Variants in AUTS2 observed in about 807,000 individuals in gnomAD.
The protein encoded by AUTS2 is activator of transcription and developmental regulator AUTS2, also known as autism susceptibility gene 2 protein.
AUTS2 carries 17 observed loss-of-function variants against 112.4 expected under a neutral mutation model. The observed-to-expected ratio is 0.15, with a 90% confidence interval of 0.10 to 0.23. The LOEUF (loss-of-function observed/expected upper bound fraction) is 0.23, where lower values mean the gene tolerates loss of function less well. Among genes scored for constraint, AUTS2 ranks in the 10% least tolerant of loss-of-function variants. The pLI, the probability that AUTS2 is intolerant of heterozygous loss-of-function variation, is 1.00. For missense variants in AUTS2, 1,510 were observed against 1,701.6 expected (o/e 0.89, Z 1.98); for synonymous variants, 751 against 702.7 (o/e 1.07, Z -1.09).
chr7:70,614,631 C>T (rs1010240971), intron 5 of AUTS2, among the ~76,000 whole-genome samples: 3 of 152,196 alleles, frequency 2.0e-5, no homozygotes, highest in African/African-American at 4.8e-5. Context: ...TTTTGTCCTC[C>T]TCTCTGCTGC....
At chr7:70,602,449 T>C (rs1803523713) in intron 5 of AUTS2, among the ~76,000 whole-genome samples, 1 of 152,194 alleles carries the variant, frequency 6.6e-6, no homozygotes, top group African/African-American at 2.4e-5. Flanking sequence ...TTTTGATTCT[T>C]AGTCTATAAG....
At chr7:69,717,590 G>GA (rs1172207313) in intron 1 of AUTS2, among the ~76,000 whole-genome samples, 2 of 152,066 alleles carry the variant, frequency 1.3e-5, no homozygotes, top group African/African-American at 4.8e-5. Flanking sequence ...AGAATGAAAG[G>GA]AAAAAAAATT....
At chr7:70,526,140 G>A (rs1563016586) in intron 5 of AUTS2, among the ~76,000 whole-genome samples, 2 of 152,296 alleles carry the variant, frequency 1.3e-5, no homozygotes, top group South Asian at 4.2e-4. Context: ...TCCTTGGGAT[G>A]TCTCTTGACA....
chr7:69,941,073 C>T (rs975237105), intron 2 of AUTS2, among the ~76,000 whole-genome samples: 1 of 152,188 alleles, frequency 6.6e-6, no homozygotes, highest in African/African-American at 2.4e-5. Context: ...CACATGCACG[C>T]AAGCATGTAC....
chr7:70,317,746 C>T (rs758447949), intron 4 of AUTS2, among the ~76,000 whole-genome samples: 2 of 152,202 alleles, frequency 1.3e-5, no homozygotes, highest in Non-Finnish European at 2.9e-5. Flanking sequence ...AGGCATGGCC[C>T]TGCCTTCAAG....
At position 70,131,391 on chromosome 7, in the gene AUTS2, A is replaced by T. The variant is rs1219235003; in HGVS notation, c.625-3145A>T. The stretch of plus-strand genomic sequence containing the variant: ...AGCCCAGGAGCTTGAGGTTGCAGTG[A>T]GTCATGATCTTGATCATTAAGGAAG... On this transcript the variant is annotated intron_variant, in intron 3 of 18. Coordinates refer to ENST00000342771, the MANE Select transcript of AUTS2 (RefSeq NM_015570.4). Among the ~76,000 whole-genome samples, 7 of 152,324 alleles carry T rather than the reference A, an allele frequency of 4.6e-5. No homozygotes were observed. The East Asian group carries it at 1.4e-3, about 29-fold the overall frequency.
intron 4 of AUTS2, among the ~76,000 whole-genome samples, chr7:70,386,852 C>G (rs749942849): frequency 6.6e-6 from 1 of 152,110 alleles, no homozygotes; most frequent in South Asian, 2.1e-4. Context: ...AGTCACCTCC[C>G]GACTTTTCTG....
intron 1 of AUTS2, among the ~76,000 whole-genome samples, chr7:69,852,749 G>A (rs909516185): frequency 6.6e-6 from 1 of 152,120 alleles, no homozygotes; most frequent in East Asian, 1.9e-4. Context: ...CACCGTGCCC[G>A]GCCCCTGCTT....
rs200641277 is a variant in AUTS2, at chr7:70,129,902, T to A, written c.625-4634T>A. On this transcript the variant is annotated intron_variant, in intron 3 of 18. Coordinates refer to ENST00000342771, the MANE Select transcript of AUTS2 (RefSeq NM_015570.4). ...CTCAATCAAATATATATATATATAT[T>A]GTGTGTGTGTGTGTGTGTGTGTGTG... Among the ~76,000 whole-genome samples the A allele has an allele frequency of 3.3e-3, 245 of 73,400 alleles. 1 individual carries two copies. The highest frequency in any genetic ancestry group is 0.015 in the African/African-American group (205 of 13,964). The allele number at this position is 73,400 out of a possible 152,430, so 48.2% of individuals were successfully genotyped here. A position where few individuals can be genotyped will look rare whatever the true frequency, so the allele number is the denominator to read the frequency against.
chr7:70,318,027 T>A (rs12698897), intron 4 of AUTS2, among the ~76,000 whole-genome samples: 44,103 of 151,934 alleles, frequency 0.29, 6,697 homozygotes, highest in African/African-American at 0.38. Flanking sequence ...GTGGTGTCGG[T>A]TGGATCATGG....
intron 6 of AUTS2, among the ~76,000 whole-genome samples, chr7:70,702,510 G>A (rs752302348): frequency 6.6e-6 from 1 of 152,154 alleles, no homozygotes; most frequent in Non-Finnish European, 1.5e-5. Context: ...GTCTCAAATT[G>A]CAGAACTGGG....
intron 5 of AUTS2, among the ~76,000 whole-genome samples, chr7:70,543,502 C>T (rs911446334): frequency 6.7e-6 from 1 of 149,668 alleles, no homozygotes; most frequent in Non-Finnish European, 1.5e-5. Flanking sequence ...GCACTTGAGC[C>T]TAGGCGACAG....
chr7:70,790,656 G>C lies in AUTS2; in HGVS notation c.3440G>C (p.Gly1147Ala). Residue 1147 changes from glycine to alanine, a missense_variant, in exon 19 of 19, where the codon GGC (glycine) becomes GCC (alanine). Transcript: ENST00000342771. This position sits in a 1 kb window ranked among gnomAD's most constrained non-coding sequence, Gnocchi z 7.6. Reference protein sequence around the residue: ...VDPRREHERGGHLDERERLHM... With the variant: ...VDPRREHERGAHLDERERLHM... ...CCTCGGCGGGAGCACGAGCGGGGAG[G>C]CCACCTGGACGAGCGGGAGCGCTTG... The C allele has an allele frequency of 6.2e-7, 1 of 1,613,282 alleles. No individual in the cohort carries two copies. Among genetic ancestry groups the C allele is most frequent in the Non-Finnish European group, 8.5e-7 (1 of 1,179,796 alleles).
intron 2 of AUTS2, among the ~76,000 whole-genome samples, chr7:70,098,586 A>C (rs996920714): frequency 3.9e-5 from 6 of 152,184 alleles, no homozygotes; most frequent in African/African-American, 1.4e-4. Flanking sequence ...GAAAAAATAA[A>C]AAGCCAAGGA....
At chr7:70,060,037 A>T (rs2129560582) in intron 2 of AUTS2, among the ~76,000 whole-genome samples, 1 of 152,334 alleles carries the variant, frequency 6.6e-6, no homozygotes, top group East Asian at 1.9e-4. Context: ...TGAGAAAGAA[A>T]AGCATTTCAG....
chr7:70,785,193 C>T (rs543731021), intron 16 of AUTS2, among the ~76,000 whole-genome samples, 174 bp downstream of exon 16: 3 of 152,346 alleles, frequency 2.0e-5, no homozygotes, highest in South Asian at 4.1e-4. Flanking sequence ...GTCCAGCTTC[C>T]AGATTTCATC....
At chr7:70,105,572 T>C (rs1022163680) in intron 2 of AUTS2, among the ~76,000 whole-genome samples, 1 of 152,196 alleles carries the variant, frequency 6.6e-6, no homozygotes, top group Non-Finnish European at 1.5e-5. Flanking sequence ...TTGTTTTATG[T>C]AGTGGGCATA....
intron 5 of AUTS2, among the ~76,000 whole-genome samples, chr7:70,640,759 C>T (rs1419882157): frequency 1.3e-5 from 2 of 152,154 alleles, no homozygotes; most frequent in African/African-American, 2.4e-5. Context: ...TGGAGAAAGC[C>T]ATCATTAAAC....
intron 4 of AUTS2, among the ~76,000 whole-genome samples, chr7:70,435,153 G>A (rs1345000799): frequency 6.6e-6 from 1 of 152,010 alleles, no homozygotes; most frequent in African/African-American, 2.4e-5. Context: ...CTTTTTATAG[G>A]GAATGTTCCT....
Sources: gnomAD v4.1 joint callset for allele counts (sites outside exome capture counted in the v4.1 genomes callset) on GRCh38, gnomAD v4.1.1 for gene constraint, Gnocchi (gnomAD v3.1) non-coding constraint, MANE v1.5 for transcripts, NCBI Gene and HGNC (gene_info 2026-07-23, HGNC 2026-07-21) for gene names.